TINAG: variants seen among roughly 807,000 people sequenced by gnomAD.
The protein encoded by TINAG is tubulointerstitial nephritis antigen.
TINAG carries 83 observed loss-of-function variants against 72.7 expected under a neutral mutation model. That is an observed-to-expected ratio of 1.14 (90% CI 0.96 to 1.37). TINAG has a LOEUF of 1.37. Among genes scored for constraint, TINAG ranks in the 40% most tolerant of loss-of-function variants. The pLI, the probability that TINAG is intolerant of heterozygous loss-of-function variation, is 0.00. For synonymous variants in TINAG, 234 were observed against 189.9 expected (o/e 1.23, Z -1.91); for missense variants, 685 against 576.6 (o/e 1.19, Z -1.93).
At chr6:54,372,132 C>A (rs1256850822) in intron 9 of TINAG, among the ~76,000 whole-genome samples, 2 of 151,792 alleles carry the variant, frequency 1.3e-5, no homozygotes, top group African/African-American at 4.8e-5. Flanking sequence ...GCTGGGATTG[C>A]AGACACCTGC....
intron 3 of TINAG, among the ~76,000 whole-genome samples, chr6:54,321,664 G>A (rs561506646): frequency 3.3e-5 from 5 of 152,222 alleles, no homozygotes; most frequent in Middle Eastern, 3.4e-3. Context: ...CTTTGGATAA[G>A]TATTTAGGCA....
chr6:54,363,553 A>G (rs1763308026), intron 9 of TINAG, among the ~76,000 whole-genome samples: 1 of 151,000 alleles, frequency 6.6e-6, no homozygotes, highest in Admixed American at 6.6e-5. Flanking sequence ...TGAGATGGAG[A>G]AAAAGTCTAC....
intron 9 of TINAG, among the ~76,000 whole-genome samples, chr6:54,375,261 C>CT (rs955714476): frequency 2.0e-5 from 3 of 152,004 alleles, no homozygotes; most frequent in African/African-American, 7.2e-5. Flanking sequence ...TTCAGAATTT[C>CT]TTTTGGAAAT....
At chr6:54,329,940 G>A (rs1296302928) in intron 4 of TINAG, among the ~76,000 whole-genome samples, 1 of 152,116 alleles carries the variant, frequency 6.6e-6, no homozygotes, top group African/African-American at 2.4e-5. Flanking sequence ...GAATATGTAT[G>A]CACCCAATAC....
intron 1 of TINAG, among the ~76,000 whole-genome samples, chr6:54,311,366 G>C (rs1443897789): frequency 3.1e-4 from 47 of 152,068 alleles, no homozygotes. Context: ...AGTCCATGAT[G>C]GACAGCCTCA....
chr6:54,307,911 C>T, upstream of TINAG: 1 of 829,116 alleles, frequency 1.2e-6, no homozygotes, highest in African/African-American at 1.7e-5. Context: ...AGGTCACCCT[C>T]AGGGAATTTC....
At chr6:54,351,802 A>G (rs932329572) in intron 8 of TINAG, among the ~76,000 whole-genome samples, 2 of 151,922 alleles carry the variant, frequency 1.3e-5, no homozygotes, top group East Asian at 1.9e-4. Flanking sequence ...GTTTAAATAG[A>G]TTAGGTCGTG....
intron 10 of TINAG, 45 bp from the exon 11 acceptor site, chr6:54,389,746 C>T: frequency 6.5e-7 from 1 of 1,548,584 alleles, no homozygotes; most frequent in African/African-American, 1.4e-5. Context: ...TTAAAAAATA[C>T]CAAAGTATGT....
In TINAG at chr6:54,347,497, G is replaced by T; in HGVS notation, c.879G>T (p.Trp293Cys). 6.2e-7 allele frequency: 1 copy of T among 1,612,880 alleles called. No homozygotes were observed. Among genetic ancestry groups the T allele is most frequent in the Non-Finnish European group, 8.5e-7 (1 of 1,179,314 alleles). The change falls in exon 6 of 11, where the codon TGG (tryptophan) becomes TGT (cysteine). Residue 293 changes from tryptophan to cysteine, a missense_variant. Coordinates refer to ENST00000259782, the MANE Select transcript of TINAG (RefSeq NM_014464.4). ...GCNSGSIDRA[W>C]WYLRKRGLVS... ...ATAGTGGAAGCATCGATAGGGCTTG[G>T]TGGTACCTGAGAAAACGTGGGTAAA...
intron 9 of TINAG, among the ~76,000 whole-genome samples, chr6:54,380,307 A>G (rs1469190086): frequency 6.6e-6 from 1 of 152,116 alleles, no homozygotes; most frequent in Non-Finnish European, 1.5e-5. Flanking sequence ...AGCCATTTAT[A>G]TATAAATGAG....
chr6:54,308,700 C>T lies in TINAG; in HGVS notation c.150C>T (p.Ala50=), dbSNP rs1241038121. 11 of 1,613,754 alleles carry T rather than the reference C, an allele frequency of 6.8e-6. No homozygotes were observed. Among genetic ancestry groups the T allele is most frequent in the Non-Finnish European group, 7.6e-6 (9 of 1,179,890 alleles). The change falls in exon 1 of 11, where the codon GCC becomes GCT. Residue 50 remains alanine (A), a synonymous_variant. Coordinates refer to ENST00000259782, the MANE Select transcript of TINAG (RefSeq NM_014464.4). ...TGCAAGGTACTCGATTCAAAAGAGC[C>T]ATTTTCCAAGGGCAATACTGTAGAA... is the stretch of plus-strand genomic sequence containing the variant. The part of the protein sequence containing the change: ...TVLQGTRFKR[A]IFQGQYCRNF...
intron 9 of TINAG, among the ~76,000 whole-genome samples, chr6:54,357,746 T>C (rs1232604997): frequency 1.3e-5 from 2 of 151,986 alleles, no homozygotes; most frequent in African/African-American, 4.8e-5. Context: ...CCTGTTATTT[T>C]GTACCTGGAT....
intron 10 of TINAG, among the ~76,000 whole-genome samples, chr6:54,385,429 A>C (rs879567300): frequency 5.9e-5 from 9 of 152,024 alleles, no homozygotes; most frequent in Admixed American, 3.3e-4. Context: ...AACAAAACTT[A>C]TCAAAAACCT....
At chr6:54,328,947 A>G (rs755787041) in intron 4 of TINAG, among the ~76,000 whole-genome samples, 10 of 152,064 alleles carry the variant, frequency 6.6e-5, no homozygotes, top group Non-Finnish European at 1.3e-4. Flanking sequence ...AGGAACAAAC[A>G]AAGCATCCAA....
At chr6:54,316,397 G>A (rs1307118943) in intron 1 of TINAG, among the ~76,000 whole-genome samples, 2 of 152,136 alleles carry the variant, frequency 1.3e-5, no homozygotes, top group Non-Finnish European at 2.9e-5. Context: ...TGATTAACAA[G>A]TCATGAATTT....
intron 9 of TINAG, among the ~76,000 whole-genome samples, chr6:54,372,191 C>A (rs940173626): frequency 8.6e-5 from 13 of 151,634 alleles, no homozygotes; most frequent in African/African-American, 2.9e-4. Flanking sequence ...GGGGTTTCAC[C>A]ATGTTGGCCA....
At chr6:54,362,611 G>C (rs973004055) in intron 9 of TINAG, among the ~76,000 whole-genome samples, 1 of 151,544 alleles carries the variant, frequency 6.6e-6, no homozygotes, top group Non-Finnish European at 1.5e-5. Flanking sequence ...GCAGCCCATG[G>C]AACAAGAGGT....
intron 4 of TINAG, among the ~76,000 whole-genome samples, chr6:54,341,808 G>A (rs1346400291): frequency 1.3e-5 from 2 of 152,062 alleles, no homozygotes; most frequent in Admixed American, 6.6e-5. Flanking sequence ...TTCTGATAAA[G>A]CAGGGAAACT....
In TINAG at chr6:54,384,067, G is replaced by A. The variant is rs564863523; in HGVS notation, c.1296+3496G>A. Among the ~76,000 whole-genome samples, 141 of 152,206 alleles carry A rather than the reference G, an allele frequency of 9.3e-4. 1 individual carries two copies. Among genetic ancestry groups the A allele is most frequent in the African/African-American group, 3.3e-3 (138 of 41,528 alleles). ...TGTACTTTGCAGGGACATGGATGAA[G>A]CTGGAAACCATCATTCTCAGCAAAC... is the stretch of plus-strand genomic sequence containing the variant. On this transcript the variant is annotated intron_variant, in intron 10 of 10. Coordinates refer to ENST00000259782, the MANE Select transcript of TINAG (RefSeq NM_014464.4).
Sources: gnomAD v4.1 joint callset for allele counts (sites outside exome capture counted in the v4.1 genomes callset) on GRCh38, gnomAD v4.1.1 for gene constraint, MANE v1.5 for transcripts, NCBI Gene and HGNC (gene_info 2026-07-23, HGNC 2026-07-21) for gene names.